ZNF230: variants seen among roughly 807,000 people sequenced by gnomAD.
The protein encoded by ZNF230 is zinc finger protein 230.
Under a neutral mutation model 10.0 loss-of-function variants are expected in ZNF230, and 12 were observed. The observed-to-expected ratio is 1.20, with a 90% CI of 0.77 to 1.95. The LOEUF (loss-of-function observed/expected upper bound fraction) is 1.95, where lower values mean the gene tolerates loss of function less well. ZNF230 is among the 30% of genes most tolerant of loss of function. The pLI, the probability that ZNF230 is intolerant of heterozygous loss-of-function variation, is 0.00. For synonymous variants in ZNF230, 174 were observed against 193.6 expected (o/e 0.90, Z 0.84); for missense variants, 532 against 565.8 (o/e 0.94, Z 0.61).
In ZNF230 at chr19:44,002,989, G is replaced by T. The variant is rs1183684642; in HGVS notation, c.-187G>T. ...CCTGCGGTTGCTACATAACCGCGTA[G>T]TTTGAGCCATTTCTGCGTCTGGCGG... On this transcript the variant is annotated 5_prime_UTR_variant, in exon 1 of 5. Transcript: ENST00000429154. The T allele has an allele frequency of 6.6e-6, 1 of 152,164 alleles. No individual in the cohort carries two copies. The highest frequency in any genetic ancestry group is 1.9e-4 in the East Asian group (1 of 5,152). 9.4% of individuals were successfully genotyped at this position (152,164 alleles called of 1,614,324 possible).
Position 44,013,663 on chromosome 19 carries a change from C to T in ZNF230, c.*2199C>T, listed in dbSNP as rs918516939. On this transcript the variant is annotated 3_prime_UTR_variant, in exon 5 of 5. Coordinates refer to ENST00000429154, the MANE Select transcript of ZNF230 (RefSeq NM_006300.4). ...TGAGCTTTGTGAAATCTGACTGTAA[C>T]CTTCATAACATAATCAAATATCTTT... 1 of 152,106 alleles carries T rather than the reference C, an allele frequency of 6.6e-6. No individual in the cohort carries two copies. Among genetic ancestry groups the T allele is most frequent in the Non-Finnish European group, 1.5e-5 (1 of 68,022 alleles). The allele number at this position is 152,106 out of a possible 1,614,324, so 9.4% of individuals were successfully genotyped here. A position where few individuals can be genotyped will look rare whatever the true frequency, so the allele number is the denominator to read the frequency against.
chr19:44,006,050 G>GTT (rs11455407), intron 1 of ZNF230, among the ~76,000 whole-genome samples: 45 of 149,134 alleles, frequency 3.0e-4, no homozygotes, highest in South Asian at 6.3e-4. Flanking sequence ...AAACATGGTG[G>GTT]TTTTTTTTTT....
In ZNF230 at chr19:44,009,067, A is replaced by G; in HGVS notation, c.143-17A>G. ...AGAATGAATTGGTATTAAGCACATG[A>G]CTTTGCATGTTCACAGGGCATCAAC... On this transcript the variant is annotated splice_polypyrimidine_tract_variant and intron_variant, in intron 3 of 4. Transcript: ENST00000429154. 5 of 1,613,534 alleles carry G rather than the reference A, an allele frequency of 3.1e-6. No individual in the cohort carries two copies. The highest frequency in any genetic ancestry group is 4.2e-6 in the Non-Finnish European group (5 of 1,179,684).
Position 44,010,849 on chromosome 19 carries a change from T to A in ZNF230, c.810T>A (p.His270Gln). ...TTCACGATTTCCAGCTTCAGAAACA[T>A]CAGATAATTCATACTGGGGAGAAGC... ...AFIHDFQLQK[H>Q]QIIHTGEKPF... Residue 270 changes from histidine (H) to glutamine (Q), a missense_variant, in exon 5 of 5, where the codon CAT becomes CAA. Coordinates refer to ENST00000429154, the MANE Select transcript of ZNF230 (RefSeq NM_006300.4). The A allele has an allele frequency of 6.2e-7, 1 of 1,614,176 alleles. No individual in the cohort carries two copies. Among genetic ancestry groups the A allele is most frequent in the Non-Finnish European group, 8.5e-7 (1 of 1,180,016 alleles).
In ZNF230 at chr19:44,010,780, A is replaced by G. The variant is rs769372300; in HGVS notation, c.741A>G (p.Thr247=). 2 of 1,614,226 alleles carry G rather than the reference A, an allele frequency of 1.2e-6. No individual in the cohort carries two copies. The highest frequency in any genetic ancestry group is 1.7e-6 in the Non-Finnish European group (2 of 1,180,022). The part of the protein sequence containing the change: ...AILQVHCKLH[T]GEKPYICEKC... Reference sequence around the variant, plus strand: ...TTCAAGTTCACTGCAAATTACACACAGGAGAGAAACCTTATATTTGTGAGA... The same window carrying G: ...TTCAAGTTCACTGCAAATTACACACGGGAGAGAAACCTTATATTTGTGAGA... The change falls in exon 5 of 5, where the codon ACA becomes ACG. Residue 247 remains threonine (T), a synonymous_variant. Transcript: ENST00000429154.
Position 44,010,443 on chromosome 19 carries a change from C to T in ZNF230, c.404C>T (p.Thr135Ile), listed in dbSNP as rs756877571. 1 of 1,614,244 alleles carries T rather than the reference C, an allele frequency of 6.2e-7. No homozygotes were observed. Among genetic ancestry groups the T allele is most frequent in the Admixed American group, 1.7e-5 (1 of 60,030 alleles). ...GAGGCAGGACTATCTATAATTCATA[C>T]AGGACAGAAACCTTCACAGAATGGG... ...QVEAGLSIIH[T>I]GQKPSQNGKC... Residue 135 changes from threonine to isoleucine, a missense_variant, in exon 5 of 5, where the codon ACA becomes ATA. Transcript: ENST00000429154.
Position 44,009,088 on chromosome 19 carries a change from T to C in ZNF230, c.147T>C (p.His49=). Residue 49 remains histidine, a synonymous_variant, in exon 4 of 5, where the codon CAT becomes CAC. Coordinates refer to ENST00000429154, the MANE Select transcript of ZNF230 (RefSeq NM_006300.4). ...ENFTNLLSVG[H]QPFHPFHFLR... is the part of the protein sequence containing the mutation. ...CATGACTTTGCATGTTCACAGGGCA[T>C]CAACCATTCCACCCTTTCCACTTCC... 1 of 1,614,166 alleles carries C rather than the reference T, an allele frequency of 6.2e-7. No individual in the cohort carries two copies.
rs1976198299 is a variant in ZNF230 at position 44,012,610 on chromosome 19, A to T, written c.*1146A>T. 2.4e-6 allele frequency: 1 copy of T among 413,142 alleles called. No individual in the cohort carries two copies. Among genetic ancestry groups the T allele is most frequent in the East Asian group, 6.0e-5 (1 of 16,770 alleles). 25.6% of individuals were successfully genotyped at this position (413,142 alleles called of 1,614,324 possible). A position where few individuals can be genotyped will look rare whatever the true frequency, so the allele number is the denominator to read the frequency against. On this transcript the variant is annotated 3_prime_UTR_variant, in exon 5 of 5. Transcript: ENST00000429154. ...CATTTACAAAACCCTAATGATGAAC[A>T]TGTCAAAAGTGGTGACCACTAGAAT...
At chr19:44,004,284 T>C (rs538848842) in intron 1 of ZNF230, 1 of 152,366 alleles carries the variant, frequency 6.6e-6, no homozygotes, top group East Asian at 1.9e-4. Flanking sequence ...GATGTAAAGG[T>C]AGTAACTGTT....
At chr19:44,010,224 C>T (rs1283912200) in intron 4 of ZNF230, 45 bp from the exon 5 acceptor site, 3 of 1,516,050 alleles carry the variant, frequency 2.0e-6, no homozygotes, top group Non-Finnish European at 2.7e-6. Context: ...AAACACCAAA[C>T]AAAGGCTTCA....
Position 44,011,486 on chromosome 19 carries a change from T to C in ZNF230, c.*22T>C. 1 of 1,542,068 alleles carries C rather than the reference T, an allele frequency of 6.5e-7. No individual in the cohort carries two copies. Among genetic ancestry groups the C allele is most frequent in the Non-Finnish European group, 8.7e-7 (1 of 1,144,368 alleles). ...GTAAGTTGTACATATATATGGGATATGGTATGAAATTTTAATATGTGTATA... is the reference window on the plus strand; with the variant it reads ...GTAAGTTGTACATATATATGGGATACGGTATGAAATTTTAATATGTGTATA... On this transcript the variant is annotated 3_prime_UTR_variant, in exon 5 of 5. Transcript: ENST00000429154.
chr19:44,010,830 A>G lies in ZNF230; in HGVS notation c.791A>G (p.Asp264Gly), dbSNP rs1161993475. Residue 264 changes from aspartate to glycine, a missense_variant, in exon 5 of 5, where the codon GAT (aspartate) becomes GGT (glycine). Asp to Gly is a moderately conservative substitution (Grantham distance 94, BLOSUM62 -1). Coordinates refer to ENST00000429154, the MANE Select transcript of ZNF230 (RefSeq NM_006300.4). ...AAATGTGGGAGGGCCTTCATTCACG[A>G]TTTCCAGCTTCAGAAACATCAGATA... The part of the protein sequence containing the change: ...CEKCGRAFIH[D>G]FQLQKHQIIH... The G allele has an allele frequency of 1.2e-6, 2 of 1,614,218 alleles. No homozygotes were observed. Among genetic ancestry groups the G allele is most frequent in the Non-Finnish European group, 1.7e-6 (2 of 1,180,028 alleles).
At chr19:44,006,412 T>G (rs1012065908) in intron 1 of ZNF230, among the ~76,000 whole-genome samples, 25 of 152,238 alleles carry the variant, frequency 1.6e-4, no homozygotes, top group African/African-American at 6.0e-4. Context: ...CCCAACAATA[T>G]GGACTCAGAA....
At chr19:44,009,319 C>A in intron 4 of ZNF230, 149 bp downstream of exon 4, 1 of 840,712 alleles carries the variant, frequency 1.2e-6, no homozygotes, top group South Asian at 1.8e-5. Context: ...TGGTCCTGTT[C>A]CCTCCCTTCC....
In ZNF230 at chr19:44,009,187, T is replaced by G. The variant is rs374886659; in HGVS notation, c.229+17T>G. On this transcript the variant is annotated intron_variant, in intron 4 of 4. Coordinates refer to ENST00000429154, the MANE Select transcript of ZNF230 (RefSeq NM_006300.4). ...GAAATTCAGGTAAGAAGCAAGCAAC[T>G]GTGTGTCCTTGTACATGACTTTCTT... is the stretch of plus-strand genomic sequence containing the variant. 1.1e-4 allele frequency: 181 copies of G among 1,611,532 alleles called. No individual in the cohort carries two copies. The highest frequency in any genetic ancestry group is 1.1e-4 in the Non-Finnish European group (132 of 1,177,866).
intron 1 of ZNF230, among the ~76,000 whole-genome samples, chr19:44,005,734 T>A (rs1372056160): frequency 6.6e-6 from 1 of 151,914 alleles, no homozygotes; most frequent in Non-Finnish European, 1.5e-5. Flanking sequence ...ACTAAAAATA[T>A]TTTTAAAAGC....
chr19:44,005,472 T>C (rs1439990828), intron 1 of ZNF230, among the ~76,000 whole-genome samples: 1 of 152,146 alleles, frequency 6.6e-6, no homozygotes, highest in East Asian at 1.9e-4. Flanking sequence ...CTATTACATA[T>C]CAGATCTGTT....
At chr19:44,004,463 G>A (rs1472747812) in intron 1 of ZNF230, 5 of 152,210 alleles carry the variant, frequency 3.3e-5, no homozygotes, top group Non-Finnish European at 1.5e-5. Flanking sequence ...TGGTTGTGGT[G>A]GCTCATGCCT....
In ZNF230 at chr19:44,011,037, A is replaced by G; in HGVS notation, c.998A>G (p.Gln333Arg). 1 of 1,614,218 alleles carries G rather than the reference A, an allele frequency of 6.2e-7. No individual in the cohort carries two copies. Among genetic ancestry groups the G allele is most frequent in the Non-Finnish European group, 8.5e-7 (1 of 1,180,026 alleles). The change falls in exon 5 of 5, where the codon CAG becomes CGG. Residue 333 changes from glutamine (Q) to arginine (R), a missense_variant. Gln to Arg is a conservative substitution (Grantham distance 43). Transcript: ENST00000429154. ...AAGCATCAGATAATTCACACAGGAC[A>G]GAAACCGTACAATTGTAAAGAATGT... ...LHKHQIIHTG[Q>R]KPYNCKECGK...
Sources: allele counts gnomAD v4.1 joint callset (sites outside exome capture counted in the v4.1 genomes callset), GRCh38; gene constraint gnomAD v4.1.1; transcripts MANE v1.5; gene names NCBI Gene and HGNC (gene_info 2026-07-23, HGNC 2026-07-21).